The following LAPTM4B variants were observed in gnomAD, a reference collection of about 807,000 sequenced individuals.
LAPTM4B encodes lysosomal-associated transmembrane protein 4B.
Under a neutral mutation model 28.5 loss-of-function variants are expected in LAPTM4B, and 26 were observed. The observed-to-expected ratio is 0.91, with a 90% CI of 0.67 to 1.27. LAPTM4B has a LOEUF of 1.27. LAPTM4B is among the 50% of genes most tolerant of loss of function. The probability of loss-of-function intolerance (pLI) is 0.00; values close to 1 mark genes in which losing one functional copy is unlikely to be tolerated. For missense variants in LAPTM4B, 288 were observed against 285.8 expected (o/e 1.01, Z -0.06); for synonymous variants, 109 against 106.4 (o/e 1.02, Z -0.15).
chr8:97,795,391 C>T (rs1032113646), intron 1 of LAPTM4B, among the ~76,000 whole-genome samples: 4 of 152,106 alleles, frequency 2.6e-5, no homozygotes, highest in Admixed American at 2.6e-4. Flanking sequence ...CCACACCTGG[C>T]CTATTTTTTA....
At chr8:97,779,729 C>T (rs1388091925) in intron 1 of LAPTM4B, among the ~76,000 whole-genome samples, 1 of 149,420 alleles carries the variant, frequency 6.7e-6, no homozygotes, top group Non-Finnish European at 1.5e-5. Flanking sequence ...AAAGTCCAGC[C>T]TGGGTGACAG....
chr8:97,799,121 A>G (rs1386613105), intron 1 of LAPTM4B, among the ~76,000 whole-genome samples: 1 of 152,192 alleles, frequency 6.6e-6, no homozygotes, highest in African/African-American at 2.4e-5. Context: ...TCTCCCACAC[A>G]TAGGCCCTAA....
chr8:97,850,557 C>G (rs979785263), intron 6 of LAPTM4B, among the ~76,000 whole-genome samples: 1 of 149,418 alleles, frequency 6.7e-6, no homozygotes, highest in African/African-American at 2.5e-5. Context: ...GCTAAAGGGA[C>G]AGATAAATGA....
At chr8:97,824,120 T>C (rs2129811549) in intron 5 of LAPTM4B, among the ~76,000 whole-genome samples, 1 of 152,308 alleles carries the variant, frequency 6.6e-6, no homozygotes, top group South Asian at 2.1e-4. Context: ...TTATGAATAA[T>C]GCTGCTGTGA....
intron 1 of LAPTM4B, among the ~76,000 whole-genome samples, chr8:97,782,070 TC>T (rs1228423309): frequency 6.6e-6 from 1 of 150,628 alleles, no homozygotes; most frequent in Non-Finnish European, 1.5e-5. Context: ...AACCTCCGAC[TC>T]CCAGGTTCAA....
intron 1 of LAPTM4B, 86 bp downstream of exon 1, chr8:97,776,194 G>A: frequency 1.5e-6 from 2 of 1,366,930 alleles, no homozygotes; most frequent in Non-Finnish European, 1.9e-6. Context: ...GTGGGGTGAG[G>A]CGTGCGCTCA....
intron 6 of LAPTM4B, among the ~76,000 whole-genome samples, chr8:97,837,934 A>G (rs1374036841): frequency 1.3e-5 from 2 of 152,182 alleles, no homozygotes; most frequent in Non-Finnish European, 2.9e-5. Flanking sequence ...AATTTATATA[A>G]TCTCTCCAAG....
chr8:97,801,278 T>A (rs1816675771), intron 1 of LAPTM4B, among the ~76,000 whole-genome samples: 1 of 150,270 alleles, frequency 6.7e-6, no homozygotes, highest in Admixed American at 6.7e-5. Context: ...CCCCACTGGG[T>A]TCAAGCGATT....
chr8:97,799,722 C>G (rs980178422), intron 1 of LAPTM4B, among the ~76,000 whole-genome samples: 8 of 152,182 alleles, frequency 5.3e-5, no homozygotes, highest in Non-Finnish European at 1.0e-4. Flanking sequence ...TTCCTCAAAA[C>G]CTTTATGGCA....
intron 6 of LAPTM4B, among the ~76,000 whole-genome samples, chr8:97,833,240 AGGAGAATCGCTTGAACCTG>A (rs1817211698): frequency 6.6e-6 from 1 of 151,888 alleles, no homozygotes; most frequent in Non-Finnish European, 1.5e-5. Flanking sequence ...AGGCTGGGGC[AGGAGAATCGCTTGAACCTG>A]GGAGGTTCAC....
chr8:97,839,806 C>G (rs529410786), intron 6 of LAPTM4B, among the ~76,000 whole-genome samples: 1 of 152,318 alleles, frequency 6.6e-6, no homozygotes, highest in East Asian at 1.9e-4. Context: ...ATTGATTTTA[C>G]TCTAGGGACA....
At chr8:97,810,591 A>G (rs1816811951) in intron 2 of LAPTM4B, among the ~76,000 whole-genome samples, 1 of 152,220 alleles carries the variant, frequency 6.6e-6, no homozygotes, top group Non-Finnish European at 1.5e-5. Context: ...TCAAAGAGTA[A>G]TGTTTGAAAA....
At chr8:97,795,837 TAAAAAAAAA>T (rs1190473113) in intron 1 of LAPTM4B, among the ~76,000 whole-genome samples, 3 of 114,132 alleles carry the variant, frequency 2.6e-5, no homozygotes, top group Non-Finnish European at 5.2e-5. Flanking sequence ...ACTCTGTCTT[TAAAAAAAAA>T]AAAAAAAAAA....
intron 1 of LAPTM4B, among the ~76,000 whole-genome samples, chr8:97,783,149 G>A (rs1238379382): frequency 6.8e-6 from 1 of 146,616 alleles, no homozygotes; most frequent in African/African-American, 2.5e-5. Context: ...CATACCAAAT[G>A]CCTCTGTGCC....
At chr8:97,785,545 C>T (rs1467628311) in intron 1 of LAPTM4B, among the ~76,000 whole-genome samples, 3 of 152,116 alleles carry the variant, frequency 2.0e-5, no homozygotes, top group Admixed American at 6.6e-5. Context: ...TTTATTTGGG[C>T]CAGGCTTGAG....
intron 6 of LAPTM4B, among the ~76,000 whole-genome samples, chr8:97,846,411 A>G (rs1586348024): frequency 6.8e-6 from 1 of 148,070 alleles, no homozygotes; most frequent in African/African-American, 2.5e-5. Context: ...CACCACAGCC[A>G]CCGCCTCCCG....
intron 6 of LAPTM4B, among the ~76,000 whole-genome samples, chr8:97,826,134 A>T (rs552288914): frequency 1.3e-5 from 2 of 152,322 alleles, no homozygotes; most frequent in South Asian, 4.1e-4. Flanking sequence ...CAGACTTTGT[A>T]TTAAATATAT....
intron 1 of LAPTM4B, among the ~76,000 whole-genome samples, chr8:97,790,185 ATT>A (rs71271151): frequency 2.2e-4 from 33 of 151,658 alleles, no homozygotes; most frequent in African/African-American, 7.0e-4. Context: ...GAGTGCAGCT[ATT>A]TTTTTTTTGA....
At chr8:97,829,649 G>A (rs1307625642) in intron 6 of LAPTM4B, among the ~76,000 whole-genome samples, 1 of 151,914 alleles carries the variant, frequency 6.6e-6, no homozygotes, top group Admixed American at 6.6e-5. Context: ...CAGCCTGTTA[G>A]TATGAGATAT....
Sources: gnomAD v4.1 joint callset for allele counts (sites outside exome capture counted in the v4.1 genomes callset) on GRCh38, gnomAD v4.1.1 for gene constraint, MANE v1.5 for transcripts, NCBI Gene and HGNC (gene_info 2026-07-23, HGNC 2026-07-21) for gene names.